KIF4A: variants seen among roughly 807,000 people sequenced by gnomAD.
KIF4A encodes the protein kinesin family member 4A.
KIF4A carries 7 observed loss-of-function variants against 105.9 expected under a neutral mutation model. The ratio of observed to expected loss-of-function variants is 0.07; its 90% CI spans 0.04 to 0.12. The LOEUF is 0.12. Among genes scored for constraint, KIF4A ranks in the 10% least tolerant of loss-of-function variants. The pLI is 1.00. For synonymous variants in KIF4A, 281 were observed against 331.3 expected, an observed-to-expected ratio of 0.85 and a Z score of 1.65; for missense variants, 558 against 929.2, an observed-to-expected ratio of 0.60 and a Z score of 5.19.
chrX:70,328,830 A>G (rs901368871), intron 7 of KIF4A, among the ~76,000 whole-genome samples: 6 of 112,124 alleles, frequency 5.4e-5, no homozygotes, highest in African/African-American at 1.9e-4. Flanking sequence ...AGAATTAACC[A>G]AAGTGGAAAA....
chrX:70,419,801 C>A lies in KIF4A; in HGVS notation c.3495+18C>A. Reference sequence around the variant, plus strand: ...ATAGCAAGGTAGGTGGGCTAAAAGGCAGGCATTGGAAAACTGGATTAGCGT... The same window carrying A: ...ATAGCAAGGTAGGTGGGCTAAAAGGAAGGCATTGGAAAACTGGATTAGCGT... On this transcript the variant is annotated intron_variant, in intron 30 of 30. Coordinates refer to ENST00000374403, the MANE Select transcript of KIF4A (RefSeq NM_012310.5). 1 of 1,210,530 alleles carries A rather than the reference C, an allele frequency of 8.3e-7. No homozygotes were observed. Among genetic ancestry groups the A allele is most frequent in the Non-Finnish European group, 1.1e-6 (1 of 895,027 alleles).
chrX:70,402,907 G>A (rs956979236), intron 23 of KIF4A, among the ~76,000 whole-genome samples: 1 of 112,137 alleles, frequency 8.9e-6, no homozygotes, highest in Non-Finnish European at 1.9e-5. Flanking sequence ...ATTGATGCCC[G>A]TTGTGACTGG....
chrX:70,341,697 C>A, intron 10 of KIF4A, 102 bp from the exon 11 acceptor site: 1 of 869,453 alleles, frequency 1.2e-6, no homozygotes, highest in Non-Finnish European at 1.6e-6. Flanking sequence ...TGACCTAATC[C>A]CCCTACCTAT....
chrX:70,346,784 G>C (rs2147700533), intron 13 of KIF4A, among the ~76,000 whole-genome samples: 1 of 111,586 alleles, frequency 9.0e-6, no homozygotes, highest in South Asian at 3.8e-4. Flanking sequence ...ATTGTTCGGA[G>C]ACCCTCCCAG....
At chrX:70,354,090 A>G (rs934292469) in intron 15 of KIF4A, among the ~76,000 whole-genome samples, 1 of 112,700 alleles carries the variant, frequency 8.9e-6, no homozygotes, top group Middle Eastern at 4.6e-3. Flanking sequence ...ATTATATTCT[A>G]ATAACTATGC....
At chrX:70,356,664 G>C (rs1289224555) in intron 15 of KIF4A, among the ~76,000 whole-genome samples, 1 of 111,909 alleles carries the variant, frequency 8.9e-6, no homozygotes, top group Non-Finnish European at 1.9e-5. Context: ...AAAAATCAAA[G>C]CAGTCCTCTA....
chrX:70,400,872 A>G (rs2086278781), intron 22 of KIF4A, among the ~76,000 whole-genome samples: 1 of 109,192 alleles, frequency 9.2e-6, no homozygotes, highest in African/African-American at 3.3e-5. Flanking sequence ...GGTTCAAGCA[A>G]TTCTCCTGCC....
chrX:70,305,429 A>G (rs1375250358), intron 7 of KIF4A, among the ~76,000 whole-genome samples: 1 of 112,282 alleles, frequency 8.9e-6, no homozygotes, highest in South Asian at 3.7e-4. Context: ...TGGGCATTTC[A>G]TATAAATGGA....
At chrX:70,308,287 G>C (rs567592292) in intron 7 of KIF4A, among the ~76,000 whole-genome samples, 2 of 112,403 alleles carry the variant, frequency 1.8e-5, no homozygotes, top group South Asian at 7.3e-4. Flanking sequence ...TGTGCATATA[G>C]TAATATAGTT....
intron 18 of KIF4A, among the ~76,000 whole-genome samples, chrX:70,382,922 C>G (rs2086203057): frequency 9.0e-6 from 1 of 111,040 alleles, no homozygotes; most frequent in South Asian, 3.8e-4. Context: ...CGGTGGCTCA[C>G]ACCTGTAATC....
At chrX:70,298,106 A>G (rs1406244290) in intron 4 of KIF4A, among the ~76,000 whole-genome samples, 1 of 109,906 alleles carries the variant, frequency 9.1e-6, no homozygotes, top group African/African-American at 3.3e-5. Context: ...CCTTGTCTCT[A>G]CAAAAACTTT....
At chrX:70,344,815 A>G (rs1232311612) in intron 13 of KIF4A, among the ~76,000 whole-genome samples, 1 of 111,937 alleles carries the variant, frequency 8.9e-6, no homozygotes, top group Non-Finnish European at 1.9e-5. Context: ...AGTTGTCAAT[A>G]GTGTGTCACA....
At chrX:70,306,431 C>T (rs1292556102) in intron 7 of KIF4A, among the ~76,000 whole-genome samples, 2 of 112,752 alleles carry the variant, frequency 1.8e-5, no homozygotes, top group East Asian at 2.8e-4. Context: ...TCTGTAGACC[C>T]ACTTGGGAAG....
intron 18 of KIF4A, among the ~76,000 whole-genome samples, chrX:70,385,329 A>T (rs2147728717): frequency 8.9e-6 from 1 of 111,852 alleles, no homozygotes; most frequent in South Asian, 3.8e-4. Context: ...CAGTAATGAC[A>T]ATTGGAAGCA....
chrX:70,394,206 T>A (rs1222639017), intron 20 of KIF4A, among the ~76,000 whole-genome samples: 2 of 64,389 alleles, frequency 3.1e-5, no homozygotes, highest in Admixed American at 1.5e-4. Flanking sequence ...TGGGTCTAGC[T>A]TTTTTTTTTT....
chrX:70,356,823 C>T (rs2086053515), intron 15 of KIF4A, among the ~76,000 whole-genome samples: 1 of 111,090 alleles, frequency 9.0e-6, no homozygotes, highest in Non-Finnish European at 1.9e-5. Flanking sequence ...ACTGCCTCAC[C>T]TTCTTCTTTC....
rs180871497 is a variant in KIF4A at position 70,303,872 on chromosome X, C to T, written c.778+1474C>T. Reference sequence around the variant, plus strand: ...CATTAGCAGTCACTCCCCATTCCCACCCCTTTCCCTGGCCCTAGGCAACCA... The same window carrying T: ...CATTAGCAGTCACTCCCCATTCCCATCCCTTTCCCTGGCCCTAGGCAACCA... On this transcript the variant is annotated intron_variant, in intron 7 of 30. Coordinates refer to ENST00000374403, the MANE Select transcript of KIF4A (RefSeq NM_012310.5). Among the ~76,000 whole-genome samples, 11 of 109,772 alleles carry T rather than the reference C, an allele frequency of 1.0e-4. No individual in the cohort carries two copies. The East Asian group carries it at 2.8e-3, about 28-fold the overall frequency.
intron 15 of KIF4A, among the ~76,000 whole-genome samples, chrX:70,371,864 G>A (rs1221202318): frequency 4.9e-5 from 5 of 102,084 alleles, no homozygotes; most frequent in Non-Finnish European, 6.0e-5. Context: ...GCTGCCGGGT[G>A]GAGGGGCTCC....
intron 28 of KIF4A, among the ~76,000 whole-genome samples, chrX:70,411,649 C>T (rs2086322538): frequency 9.0e-6 from 1 of 110,911 alleles, no homozygotes; most frequent in African/African-American, 3.3e-5. Context: ...TGTAATTAGT[C>T]TGAGGTAGGA....
Sources: gnomAD v4.1 joint callset for allele counts (sites outside exome capture counted in the v4.1 genomes callset) on GRCh38, gnomAD v4.1.1 for gene constraint, MANE v1.5 for transcripts, NCBI Gene and HGNC (gene_info 2026-07-23, HGNC 2026-07-21) for gene names.